Variants in RFX4 observed in about 807,000 individuals in gnomAD.
The protein encoded by RFX4 is regulatory factor X4, also known as transcription factor RFX4.
RFX4 carries 10 observed loss-of-function variants against 95.0 expected under a neutral mutation model. The observed-to-expected ratio is 0.11, with a 90% CI of 0.06 to 0.18. The LOEUF (loss-of-function observed/expected upper bound fraction) is 0.18. Among genes scored for constraint, RFX4 ranks in the 10% least tolerant of loss-of-function variants. The probability of loss-of-function intolerance (pLI) is 1.00; values close to 1 mark genes in which losing one functional copy is unlikely to be tolerated. For synonymous variants in RFX4, 321 were observed against 340.7 expected, an observed-to-expected ratio of 0.94 and a Z score of 0.64; for missense variants, 640 against 922.0, an observed-to-expected ratio of 0.69 and a Z score of 3.96.
rs151023326 is a variant in RFX4 at position 106,658,264 on chromosome 12, C to T, written c.315+3913C>T. On this transcript the variant is annotated intron_variant, in intron 4 of 17. Coordinates refer to ENST00000392842, the MANE Select transcript of RFX4 (RefSeq NM_213594.3). ...TATCCATTTTCCATTAGCCCATTTA[C>T]TGAGTAGAAATGAACTTATTGAGGT... is the stretch of plus-strand genomic sequence containing the variant. Among the ~76,000 whole-genome samples the T allele has an allele frequency of 2.4e-3, 360 of 152,280 alleles. 1 individual carries two copies. The highest frequency in any genetic ancestry group is 8.5e-3 in the African/African-American group (352 of 41,554).
intron 17 of RFX4, among the ~76,000 whole-genome samples, chr12:106,755,583 A>G (rs565215753): frequency 1.3e-5 from 2 of 152,284 alleles, no homozygotes; most frequent in African/African-American, 2.4e-5. Context: ...TACTGCTGCT[A>G]TTCTCAGTAA....
rs565278626 is a variant in RFX4, at chr12:106,732,629, G to A, written c.1472-295G>A. Among the ~76,000 whole-genome samples the A allele has an allele frequency of 4.6e-5, 7 of 152,228 alleles. No individual in the cohort carries two copies. The South Asian group carries it at 1.5e-3, about 32-fold the overall frequency. On this transcript the variant is annotated intron_variant, in intron 14 of 17. Transcript: ENST00000392842. The stretch of plus-strand genomic sequence containing the variant: ...GCACGAGAATCACTTGAACCCGGGA[G>A]GCAGAGGTTGCAGTGAGCCGAGTGT...
At chr12:106,619,321 G>T (rs2040132809) in intron 2 of RFX4, among the ~76,000 whole-genome samples, 1 of 151,942 alleles carries the variant, frequency 6.6e-6, no homozygotes, top group Non-Finnish European at 1.5e-5. Context: ...ATATATTTTT[G>T]AAAGATATTT....
chr12:106,695,543 A>T (rs1368178258), intron 7 of RFX4, among the ~76,000 whole-genome samples: 1 of 152,136 alleles, frequency 6.6e-6, no homozygotes, highest in East Asian at 1.9e-4. Flanking sequence ...TGCTATCATC[A>T]TATTAATAGT....
rs114384278 is a variant in RFX4 at position 106,743,832 on chromosome 12, G to A, written c.1634-3605G>A. Among the ~76,000 whole-genome samples the A allele has an allele frequency of 5.3e-3, 801 of 152,222 alleles. 5 individuals are homozygous for A. Among genetic ancestry groups the A allele is most frequent in the African/African-American group, 0.018 (728 of 41,528 alleles). ...AATATCCATTGACCTCGCTGTGCTCGCCTGAGGTCCCAGAGGCTTCAAGGG... is the reference window on the plus strand; with the variant it reads ...AATATCCATTGACCTCGCTGTGCTCACCTGAGGTCCCAGAGGCTTCAAGGG... On this transcript the variant is annotated intron_variant, in intron 15 of 17. Coordinates refer to ENST00000392842, the MANE Select transcript of RFX4 (RefSeq NM_213594.3).
intron 17 of RFX4, among the ~76,000 whole-genome samples, chr12:106,756,931 G>A (rs61943300): frequency 0.076 from 11,639 of 152,180 alleles, 534 homozygotes; most frequent in Non-Finnish European, 0.11. Context: ...GCCTAGCACC[G>A]AACTTGGCCC....
intron 4 of RFX4, among the ~76,000 whole-genome samples, chr12:106,669,713 A>G (rs1316694597): frequency 6.6e-6 from 1 of 152,020 alleles, no homozygotes; most frequent in Non-Finnish European, 1.5e-5. Flanking sequence ...AAAGGAAAAA[A>G]AAATACGTAC....
intron 3 of RFX4, among the ~76,000 whole-genome samples, chr12:106,644,168 C>A (rs981084317): frequency 2.0e-5 from 3 of 151,528 alleles, no homozygotes; most frequent in Admixed American, 6.6e-5. Flanking sequence ...AGAACAACCT[C>A]ATTTTAACTG....
intron 8 of RFX4, among the ~76,000 whole-genome samples, chr12:106,700,043 T>C (rs1450839728): frequency 6.6e-6 from 1 of 152,122 alleles, no homozygotes; most frequent in East Asian, 1.9e-4. Context: ...TTTCCCCCTC[T>C]GAGACAGGGT....
intron 3 of RFX4, among the ~76,000 whole-genome samples, chr12:106,645,055 A>G (rs1041367332): frequency 5.3e-5 from 8 of 151,362 alleles, no homozygotes; most frequent in Non-Finnish European, 7.4e-5. Flanking sequence ...CCCCTAGAAC[A>G]AATAACACCG....
rs777618391 is a variant in RFX4, at chr12:106,709,394, G to A, written c.898G>A (p.Asp300Asn). The A allele has an allele frequency of 6.2e-6, 10 of 1,613,030 alleles. No individual in the cohort carries two copies. The highest frequency in any genetic ancestry group is 1.6e-4 in the Middle Eastern group (1 of 6,076). The part of the protein sequence containing the change: ...LDEWLKVALH[D>N]LPENLRNIKF... ...TGAGTGGCTAAAAGTGGCTCTCCAC[G>A]ACCTCCCAGAAAACTTGCGAAACAT... The change falls in exon 9 of 18, where the codon GAC (aspartate) becomes AAC (asparagine). Residue 300 changes from aspartate (D) to asparagine (N), a missense_variant. Asp to Asn is a conservative substitution (Grantham distance 23). This residue lies in a region of RFX4 where 96 missense variants were observed against 183.7 expected (regional missense o/e 0.52). Transcript: ENST00000392842.
chr12:106,692,698 C>T (rs2041807866), intron 7 of RFX4, among the ~76,000 whole-genome samples: 1 of 152,160 alleles, frequency 6.6e-6, no homozygotes, highest in South Asian at 2.1e-4. Context: ...AATCATTTGC[C>T]TCTGATTCTT....
intron 3 of RFX4, among the ~76,000 whole-genome samples, chr12:106,649,353 C>T (rs1270672306): frequency 6.6e-6 from 1 of 152,158 alleles, no homozygotes; most frequent in Non-Finnish European, 1.5e-5. Context: ...ATCAAAGGGG[C>T]CCTTCCATGC....
chr12:106,673,243 G>T (rs2041320909), intron 4 of RFX4, among the ~76,000 whole-genome samples: 1 of 152,178 alleles, frequency 6.6e-6, no homozygotes. Context: ...CACTAGAGAG[G>T]CAGAGAGGAG....
intron 4 of RFX4, among the ~76,000 whole-genome samples, chr12:106,656,074 A>T (rs1019226450): frequency 6.6e-6 from 1 of 152,098 alleles, no homozygotes; most frequent in African/African-American, 2.4e-5. Flanking sequence ...CTCCTGATCT[A>T]GGTAAAATCA....
At position 106,719,184 on chromosome 12, in the gene RFX4, A is replaced by G. The variant is rs956547178; in HGVS notation, c.1139-776A>G. ...GATTCAGTTATCTGACTTAAAGTGA[A>G]GACAGGTTGTAAAGTGGTAGGATTA... On this transcript the variant is annotated intron_variant, in intron 11 of 17. Transcript: ENST00000392842. Among the ~76,000 whole-genome samples the G allele has an allele frequency of 2.6e-5, 4 of 152,180 alleles. 1 individual carries two copies. Among genetic ancestry groups the G allele is most frequent in the African/African-American group, 2.4e-5 (1 of 41,446 alleles).
At chr12:106,616,814 G>A (rs945736089) in intron 2 of RFX4, among the ~76,000 whole-genome samples, 3 of 152,134 alleles carry the variant, frequency 2.0e-5, no homozygotes, top group African/African-American at 7.2e-5. Context: ...AGGCTGGAGT[G>A]CAGTGGTGTG....
chr12:106,651,898 C>T (rs369709658), intron 3 of RFX4, among the ~76,000 whole-genome samples: 3 of 152,210 alleles, frequency 2.0e-5, no homozygotes, highest in South Asian at 2.1e-4. Context: ...CAAAACAAAG[C>T]ATGTCTGTGA....
At position 106,583,099 on chromosome 12, in the gene RFX4, C is replaced by G; in HGVS notation, c.-222C>G. 1 of 432,898 alleles carries G rather than the reference C, an allele frequency of 2.3e-6. No individual in the cohort carries two copies. Among genetic ancestry groups the G allele is most frequent in the East Asian group, 3.7e-5 (1 of 27,072 alleles). The allele number at this position is 432,898 out of a possible 1,614,324, so 26.8% of individuals were successfully genotyped here. The stretch of plus-strand genomic sequence containing the variant: ...TCTCTCCCCCTTCTCCGAGCTCGCT[C>G]CCTTCTCTCCCTCTCTCTCCTCTTT... On this transcript the variant is annotated 5_prime_UTR_variant, in exon 1 of 18. Coordinates refer to ENST00000392842, the MANE Select transcript of RFX4 (RefSeq NM_213594.3).
Sources: gnomAD v4.1 joint callset for allele counts (sites outside exome capture counted in the v4.1 genomes callset) on GRCh38, gnomAD v4.1.1 for gene constraint, gnomAD v4.1.1 regional missense constraint, MANE v1.5 for transcripts, NCBI Gene and HGNC (gene_info 2026-07-23, HGNC 2026-07-21) for gene names.